Variants in COL24A1 observed in about 807,000 individuals in gnomAD.
COL24A1 encodes collagen alpha-1(XXIV) chain.
Under a neutral mutation model 253.9 loss-of-function variants are expected in COL24A1, and 224 were observed. The observed-to-expected ratio is 0.88, with a 90% CI of 0.79 to 0.99. The LOEUF (loss-of-function observed/expected upper bound fraction) is 0.99, where lower values mean the gene tolerates loss of function less well. Among genes scored for constraint, COL24A1 ranks in the 50% least tolerant of loss-of-function variants. COL24A1 has a pLI of 0.00. For missense variants in COL24A1, 2,131 were observed against 2,068.5 expected (o/e 1.03, Z -0.59); for synonymous variants, 685 against 673.7 (o/e 1.02, Z -0.26).
intron 19 of COL24A1, among the ~76,000 whole-genome samples, chr1:86,006,668 C>A (rs537452546): frequency 2.0e-5 from 3 of 152,164 alleles, no homozygotes; most frequent in African/African-American, 7.2e-5. Flanking sequence ...AACTTCTGCC[C>A]TGCAGAAAAC....
chr1:85,847,640 T>C, intron 39 of COL24A1, 25 bp downstream of exon 39: 3 of 1,558,890 alleles, frequency 1.9e-6, no homozygotes, highest in Non-Finnish European at 2.7e-6. Flanking sequence ...AGTGACTCAA[T>C]TCTGGAAGCA....
At chr1:85,857,313 C>G (rs1260979441) in intron 37 of COL24A1, among the ~76,000 whole-genome samples, 4 of 151,714 alleles carry the variant, frequency 2.6e-5, no homozygotes, top group South Asian at 4.2e-4. Flanking sequence ...GATCACTACT[C>G]TAGGAATATA....
At chr1:85,776,359 T>A (rs1668541724) in intron 52 of COL24A1, among the ~76,000 whole-genome samples, 1 of 152,144 alleles carries the variant, frequency 6.6e-6, no homozygotes. Flanking sequence ...GCCCATAACA[T>A]CTTCTATTTT....
chr1:85,734,914 A>T lies in COL24A1; in HGVS notation c.4833T>A (p.Ser1611Arg). Residue 1611 changes from serine (S) to arginine (R), a missense_variant, in exon 59 of 60, where the codon AGT becomes AGA. By Grantham distance (110) the Ser-to-Arg change is moderately radical. Coordinates refer to ENST00000370571, the MANE Select transcript of COL24A1 (RefSeq NM_152890.7). ...TGGTGATGATATGGGTGGCTTCCGA[A>T]CTCAGTAAATGAAGGAAGTTCATCT... ...KVQMNFLHLL[S>R]SEATHIITIH... is the part of the protein sequence containing the mutation. The T allele has an allele frequency of 6.2e-7, 1 of 1,614,220 alleles. No homozygotes were observed. Among genetic ancestry groups the T allele is most frequent in the Non-Finnish European group, 8.5e-7 (1 of 1,180,032 alleles).
chr1:85,879,483 T>C (rs1871764), intron 32 of COL24A1, among the ~76,000 whole-genome samples: 1,745 of 152,274 alleles, frequency 0.011, 29 homozygotes, highest in African/African-American at 0.04. Flanking sequence ...TCTGTTCCAA[T>C]GATCTACAGT....
intron 19 of COL24A1, 63 bp from the exon 20 acceptor site, chr1:85,987,717 TA>T: frequency 1.4e-6 from 2 of 1,423,420 alleles, no homozygotes; most frequent in Non-Finnish European, 1.9e-6. Context: ...ATTTAGCATA[TA>T]AAATTCCCTT....
intron 19 of COL24A1, among the ~76,000 whole-genome samples, chr1:85,990,781 G>C (rs1254521483): frequency 6.6e-6 from 1 of 152,152 alleles, no homozygotes; most frequent in Non-Finnish European, 1.5e-5. Flanking sequence ...CATCAAATAT[G>C]TTTAAGTTCA....
intron 43 of COL24A1, among the ~76,000 whole-genome samples, chr1:85,824,007 C>T (rs1033449052): frequency 1.3e-5 from 2 of 151,752 alleles, no homozygotes; most frequent in African/African-American, 2.4e-5. Flanking sequence ...CCCAAATGTT[C>T]GTCTATGTCC....
intron 19 of COL24A1, among the ~76,000 whole-genome samples, chr1:86,003,412 C>G (rs1695623690): frequency 6.6e-6 from 1 of 152,172 alleles, no homozygotes; most frequent in South Asian, 2.1e-4. Context: ...TAGCCCAAAC[C>G]CCAATGTCAC....
intron 7 of COL24A1, among the ~76,000 whole-genome samples, chr1:86,073,854 C>G (rs1213416292): frequency 6.6e-6 from 1 of 152,172 alleles, no homozygotes; most frequent in African/African-American, 2.4e-5. Flanking sequence ...CCCAGAATTT[C>G]ATATCCAATC....
intron 7 of COL24A1, among the ~76,000 whole-genome samples, chr1:86,088,560 G>C (rs192977596): frequency 2.0e-5 from 3 of 152,128 alleles, no homozygotes; most frequent in Non-Finnish European, 1.5e-5. Flanking sequence ...TTGCAACTGT[G>C]TCAGTACTCC....
At chr1:86,149,203 G>T (rs557584420) in intron 1 of COL24A1, among the ~76,000 whole-genome samples, 68 of 152,162 alleles carry the variant, frequency 4.5e-4, no homozygotes, top group Non-Finnish European at 7.6e-4. Flanking sequence ...CCCACCTGGG[G>T]AGTTTTAAAA....
intron 19 of COL24A1, among the ~76,000 whole-genome samples, chr1:86,013,421 C>G (rs1696714435): frequency 6.6e-6 from 1 of 152,192 alleles, no homozygotes; most frequent in Non-Finnish European, 1.5e-5. Context: ...AATCATATAA[C>G]TGATCATGTG....
At chr1:85,792,955 T>C (rs751402936) in intron 47 of COL24A1, among the ~76,000 whole-genome samples, 23 of 152,132 alleles carry the variant, frequency 1.5e-4, no homozygotes, top group Non-Finnish European at 2.9e-4. Context: ...GTTATAAATG[T>C]GGTGGGAGAG....
chr1:86,094,590 T>C (rs1005839334), intron 5 of COL24A1, among the ~76,000 whole-genome samples: 1 of 152,000 alleles, frequency 6.6e-6, no homozygotes. Context: ...ATGTTACATA[T>C]GTAACAAACT....
chr1:85,978,209 C>A (rs999428413), intron 20 of COL24A1, among the ~76,000 whole-genome samples: 1 of 152,066 alleles, frequency 6.6e-6, no homozygotes, highest in African/African-American at 2.4e-5. Flanking sequence ...GTCAGCACTA[C>A]AAGAACTGCT....
At chr1:85,823,037 T>A (rs114665716) in intron 45 of COL24A1, among the ~76,000 whole-genome samples, 192 of 152,332 alleles carry the variant, frequency 1.3e-3, no homozygotes, top group African/African-American at 4.1e-3. Flanking sequence ...ATATTTGGTG[T>A]TGAGTCCAAT....
At chr1:86,008,763 C>T (rs58845753) in intron 19 of COL24A1, among the ~76,000 whole-genome samples, 12,854 of 150,922 alleles carry the variant, frequency 0.085, 1,174 homozygotes, top group East Asian at 0.42. Context: ...AATGGCAAAA[C>T]GAACTAAAAA....
At chr1:85,762,220 TTGA>T (rs1666913641) in intron 53 of COL24A1, among the ~76,000 whole-genome samples, 1 of 152,340 alleles carries the variant, frequency 6.6e-6, no homozygotes, top group South Asian at 2.1e-4. Context: ...TAAGACTATA[TTGA>T]GTCAACTCCA....
Sources: allele counts gnomAD v4.1 joint callset (sites outside exome capture counted in the v4.1 genomes callset), GRCh38; gene constraint gnomAD v4.1.1; transcripts MANE v1.5; gene names NCBI Gene and HGNC (gene_info 2026-07-23, HGNC 2026-07-21).